The following MYOCD variants were observed in gnomAD, a reference collection of about 807,000 sequenced individuals.
MYOCD encodes the protein myocardin.
MYOCD carries 32 observed loss-of-function variants against 96.1 expected under a neutral mutation model. The observed-to-expected ratio is 0.33, with a 90% confidence interval of 0.25 to 0.45. MYOCD has a LOEUF of 0.45. MYOCD is among the 20% of genes least tolerant of loss of function. The pLI is 1.00. For missense variants in MYOCD, 1,133 were observed against 1,200.6 expected, an observed-to-expected ratio of 0.94 and a Z score of 0.83; for synonymous variants, 469 against 469.0, an observed-to-expected ratio of 1.00 and a Z score of 0.00.
intron 11 of MYOCD, among the ~76,000 whole-genome samples, chr17:12,757,881 T>A (rs2033057105): frequency 6.6e-6 from 1 of 152,074 alleles, no homozygotes; most frequent in Non-Finnish European, 1.5e-5. Context: ...TCTTGCAAGG[T>A]TGCCATTCTA....
In MYOCD at chr17:12,764,767, G is replaced by A. The variant is rs1236058806; in HGVS notation, c.*1123G>A. ...TTTTTCTGCCTCCACATTGGGAGGGGAGGACTTCTCAGTTCTAACAAGCTG... is the reference window on the plus strand; with the variant it reads ...TTTTTCTGCCTCCACATTGGGAGGGAAGGACTTCTCAGTTCTAACAAGCTG... On this transcript the variant is annotated 3_prime_UTR_variant, in exon 14 of 14. Coordinates refer to ENST00000425538, the MANE Select transcript of MYOCD (RefSeq NM_001146312.3). 3.9e-5 allele frequency: 6 copies of A among 152,126 alleles called. No homozygotes were observed. The highest frequency in any genetic ancestry group is 1.2e-4 in the African/African-American group (5 of 41,406). 9.4% of individuals were successfully genotyped at this position (152,126 alleles called of 1,614,324 possible). A position where few individuals can be genotyped will look rare whatever the true frequency, so the allele number is the denominator to read the frequency against.
chr17:12,690,453 GA>G (rs1385813978), intron 1 of MYOCD, among the ~76,000 whole-genome samples: 1 of 151,796 alleles, frequency 6.6e-6, no homozygotes, highest in Non-Finnish European at 1.5e-5. Flanking sequence ...AAGTTTACAG[GA>G]AAAAGGGATT....
chr17:12,684,889 A>G (rs2030019381), intron 1 of MYOCD, among the ~76,000 whole-genome samples: 1 of 151,884 alleles, frequency 6.6e-6, no homozygotes. Context: ...ATAGCACCTC[A>G]TTAAACCAAG....
At chr17:12,721,284 G>A (rs139424343) in intron 4 of MYOCD, among the ~76,000 whole-genome samples, 17 of 152,198 alleles carry the variant, frequency 1.1e-4, no homozygotes, top group African/African-American at 4.1e-4. Flanking sequence ...TTTGTCAACA[G>A]AAATTGGGAA....
At chr17:12,756,771 C>T (rs2033027938) in intron 11 of MYOCD, among the ~76,000 whole-genome samples, 1 of 148,872 alleles carries the variant, frequency 6.7e-6, no homozygotes, top group Non-Finnish European at 1.5e-5. Flanking sequence ...TCTATGCTTA[C>T]AACATTAAAT....
At chr17:12,727,966 A>G (rs2032048818) in intron 5 of MYOCD, among the ~76,000 whole-genome samples, 1 of 152,130 alleles carries the variant, frequency 6.6e-6, no homozygotes, top group Non-Finnish European at 1.5e-5. Flanking sequence ...CCCTAAAATG[A>G]CATTCTGTAG....
intron 2 of MYOCD, among the ~76,000 whole-genome samples, chr17:12,712,155 C>G (rs2150680047): frequency 6.6e-6 from 1 of 152,148 alleles, no homozygotes; most frequent in Non-Finnish European, 1.5e-5. Flanking sequence ...GCCACCACAC[C>G]CGGCCAAGAA....
At position 12,765,887 on chromosome 17, in the gene MYOCD, A is replaced by G. The variant is rs768422946; in HGVS notation, c.*2243A>G. 1.1e-4 allele frequency: 16 copies of G among 152,250 alleles called. No homozygotes were observed. Among genetic ancestry groups the G allele is most frequent in the Non-Finnish European group, 1.6e-4 (11 of 68,046 alleles). 9.4% of individuals were successfully genotyped at this position (152,250 alleles called of 1,614,324 possible). Reference sequence around the variant, plus strand: ...TAGAGGAATATGAAAGGAACAAGAAAATCATTTTACATTCCTTTTATCTGT... The same window carrying G: ...TAGAGGAATATGAAAGGAACAAGAAGATCATTTTACATTCCTTTTATCTGT... On this transcript the variant is annotated 3_prime_UTR_variant, in exon 14 of 14. Transcript: ENST00000425538.
chr17:12,758,424 C>A (rs2033075148), intron 12 of MYOCD: 1 of 724,696 alleles, frequency 1.4e-6, no homozygotes, highest in African/African-American at 1.8e-5. Context: ...GGTCACCTGT[C>A]TGGCTTTGGT....
Position 12,736,247 on chromosome 17 carries a change from C to G in MYOCD, c.502C>G (p.Arg168Gly). 1 of 1,614,178 alleles carries G rather than the reference C, an allele frequency of 6.2e-7. No individual in the cohort carries two copies. Among genetic ancestry groups the G allele is most frequent in the Non-Finnish European group, 8.5e-7 (1 of 1,180,032 alleles). Reference protein sequence around the residue: ...SSDGLSPDQTRSEDPQNSAGS... With the variant: ...SSDGLSPDQTGSEDPQNSAGS... ...CGATGGGCTTTCTCCGGATCAGACT[C>G]GAAGTGAAGACCCCCAAAACTCAGC... The change falls in exon 6 of 14, where the codon CGA (arginine) becomes GGA (glycine). Residue 168 changes from arginine (R) to glycine (G), a missense_variant. Transcript: ENST00000425538.
intron 4 of MYOCD, 126 bp downstream of exon 4, chr17:12,717,547 G>A: frequency 1.3e-6 from 1 of 749,278 alleles, no homozygotes; most frequent in Non-Finnish European, 2.2e-6. Flanking sequence ...CAAAGTGGTA[G>A]TTTCAAGTAA....
chr17:12,762,813 G>C lies in MYOCD; in HGVS notation c.2390-260G>C, dbSNP rs1192520845. ...ACTCAGTGTCCTCAAGGGACTACCAGGGGTCAGAGGAGTAGGCCAGGAACC... is the reference window on the plus strand; with the variant it reads ...ACTCAGTGTCCTCAAGGGACTACCACGGGTCAGAGGAGTAGGCCAGGAACC... On this transcript the variant is annotated intron_variant, in intron 13 of 13. Coordinates refer to ENST00000425538, the MANE Select transcript of MYOCD (RefSeq NM_001146312.3). 4 of 427,688 alleles carry C rather than the reference G, an allele frequency of 9.4e-6. No individual in the cohort carries two copies. In the East Asian group the frequency reaches 1.6e-4, roughly 18 times the overall value. The allele number at this position is 427,688 out of a possible 1,614,324, so 26.5% of individuals were successfully genotyped here.
intron 5 of MYOCD, among the ~76,000 whole-genome samples, chr17:12,724,473 C>T (rs1194641540): frequency 2.0e-5 from 3 of 152,148 alleles, no homozygotes; most frequent in African/African-American, 7.2e-5. Context: ...CCATCTGTCA[C>T]AGGTATCTCA....
intron 5 of MYOCD, among the ~76,000 whole-genome samples, chr17:12,733,780 T>G (rs1329307281): frequency 6.6e-6 from 1 of 150,786 alleles, no homozygotes; most frequent in Admixed American, 6.6e-5. Context: ...GGCCAGAGAA[T>G]CACTTAAACC....
intron 5 of MYOCD, among the ~76,000 whole-genome samples, chr17:12,735,710 C>T (rs73977964): frequency 1.8e-4 from 27 of 152,264 alleles, no homozygotes; most frequent in African/African-American, 6.5e-4. Context: ...GCTGTGCGCC[C>T]TGCTTTATGT....
intron 5 of MYOCD, among the ~76,000 whole-genome samples, chr17:12,723,547 C>T (rs557185346): frequency 6.6e-6 from 1 of 152,276 alleles, no homozygotes; most frequent in South Asian, 2.1e-4. Flanking sequence ...TCCACGAAGT[C>T]AAAGGACAAA....
At chr17:12,709,066 G>A (rs1373196751) in intron 2 of MYOCD, among the ~76,000 whole-genome samples, 1 of 152,302 alleles carries the variant, frequency 6.6e-6, no homozygotes, top group Non-Finnish European at 1.5e-5. Context: ...AGCATTGAAT[G>A]AAAGGTTTCA....
At chr17:12,670,401 C>T (rs1380498327) in intron 1 of MYOCD, among the ~76,000 whole-genome samples, 1 of 152,168 alleles carries the variant, frequency 6.6e-6, no homozygotes, top group African/African-American at 2.4e-5. Flanking sequence ...AAAAGGACGA[C>T]TGATTCCTAC....
chr17:12,735,106 C>G (rs776046793), intron 5 of MYOCD, among the ~76,000 whole-genome samples: 1 of 152,236 alleles, frequency 6.6e-6, no homozygotes, highest in Non-Finnish European at 1.5e-5. Flanking sequence ...CTTCCAGCTC[C>G]TCGTTGCCTT....
Sources: allele counts gnomAD v4.1 joint callset (sites outside exome capture counted in the v4.1 genomes callset), GRCh38; gene constraint gnomAD v4.1.1; transcripts MANE v1.5; gene names NCBI Gene and HGNC (gene_info 2026-07-23, HGNC 2026-07-21).